Variants in CADM2 observed in about 807,000 individuals in gnomAD.
CADM2 encodes cell adhesion molecule 2, also known as immunoglobulin superfamily member 4D.
CADM2 carries 12 observed loss-of-function variants against 49.8 expected under a neutral mutation model. The ratio of observed to expected loss-of-function variants is 0.24; its 90% CI spans 0.15 to 0.39. The LOEUF (loss-of-function observed/expected upper bound fraction) is 0.39. Among genes scored for constraint, CADM2 ranks in the 10% least tolerant of loss-of-function variants. The probability of loss-of-function intolerance (pLI) is 1.00; values close to 1 mark genes in which losing one functional copy is unlikely to be tolerated. For missense variants in CADM2, 378 were observed against 492.3 expected (o/e 0.77, Z 2.20); for synonymous variants, 214 against 175.4 (o/e 1.22, Z -1.74).
At chr3:85,337,936 G>T (rs1264566557) in intron 1 of CADM2, among the ~76,000 whole-genome samples, 1 of 151,608 alleles carries the variant, frequency 6.6e-6, no homozygotes, top group African/African-American at 2.4e-5. Flanking sequence ...TATCCAGACT[G>T]TATACTGTAG....
intron 3 of CADM2, among the ~76,000 whole-genome samples, chr3:85,867,731 G>A (rs561102283): frequency 1.3e-5 from 2 of 151,992 alleles, no homozygotes; most frequent in Non-Finnish European, 1.5e-5. Flanking sequence ...TTTATGGGCC[G>A]TTTAAATAGC....
intron 8 of CADM2, among the ~76,000 whole-genome samples, chr3:85,977,954 A>C (rs1189419741): frequency 6.6e-6 from 1 of 151,616 alleles, no homozygotes; most frequent in Non-Finnish European, 1.5e-5. Context: ...TATCAGCAGT[A>C]AAGTACTAGA....
At chr3:85,683,200 T>C (rs2066088857) in intron 1 of CADM2, among the ~76,000 whole-genome samples, 1 of 150,812 alleles carries the variant, frequency 6.6e-6, no homozygotes, top group African/African-American at 2.4e-5. Context: ...TTAACTTTTA[T>C]ATCCCCTGCT....
intron 1 of CADM2, among the ~76,000 whole-genome samples, chr3:85,129,602 A>C (rs2039158310): frequency 6.6e-6 from 1 of 152,182 alleles, no homozygotes. Flanking sequence ...AGTGTTTCTT[A>C]GCCAGCACAC....
intron 8 of CADM2, among the ~76,000 whole-genome samples, chr3:86,003,283 T>TCC (rs1730397130): frequency 6.6e-6 from 1 of 152,120 alleles, no homozygotes; most frequent in Non-Finnish European, 1.5e-5. Flanking sequence ...TTCCCCATTT[T>TCC]CCCCATGGGA....
intron 5 of CADM2, among the ~76,000 whole-genome samples, chr3:85,891,932 A>T (rs1226913911): frequency 6.6e-6 from 1 of 152,248 alleles, no homozygotes; most frequent in Admixed American, 6.5e-5. Flanking sequence ...AAACCCTGAG[A>T]TAATAAATAT....
chr3:86,019,681 T>A (rs1732855914), intron 8 of CADM2, among the ~76,000 whole-genome samples: 2 of 152,118 alleles, frequency 1.3e-5, no homozygotes, highest in Admixed American at 1.3e-4. Context: ...TCTCTGTTTG[T>A]CTGTTGTTGG....
rs189772154 is a variant in CADM2 at position 85,427,200 on chromosome 3, A to T, written c.62-299322A>T. Among the ~76,000 whole-genome samples the T allele has an allele frequency of 1.4e-3, 183 of 126,578 alleles. 2 individuals are homozygous for T. The highest frequency in any genetic ancestry group is 9.3e-3 in the Middle Eastern group (2 of 214). 83.0% of individuals were successfully genotyped at this position (126,578 alleles called of 152,430 possible). Reference sequence around the variant, plus strand: ...TATATATATATATATATATATATATATGTATAATAAGTTTGTAGCTACCAT... The same window carrying T: ...TATATATATATATATATATATATATTTGTATAATAAGTTTGTAGCTACCAT... On this transcript the variant is annotated intron_variant, in intron 1 of 9. Coordinates refer to ENST00000383699, the MANE Select transcript of CADM2 (RefSeq NM_001167675.2).
chr3:85,054,734 A>G (rs973096029), intron 1 of CADM2, among the ~76,000 whole-genome samples: 2 of 151,972 alleles, frequency 1.3e-5, no homozygotes, highest in African/African-American at 4.8e-5. Context: ...TGGCCAGCAA[A>G]TGTACAGACA....
At chr3:84,960,222 T>C (rs2107028266) in intron 1 of CADM2, 1 of 153,574 alleles carries the variant, frequency 6.5e-6, no homozygotes, top group African/African-American at 2.4e-5. Context: ...ACCGTGTGCA[T>C]TGCAATAACA....
intron 1 of CADM2, among the ~76,000 whole-genome samples, chr3:85,449,809 G>A (rs1362686635): frequency 6.6e-6 from 1 of 152,126 alleles, no homozygotes; most frequent in African/African-American, 2.4e-5. Flanking sequence ...AAAGAGATGA[G>A]AAAATGAATA....
At chr3:85,761,526 G>C in intron 2 of CADM2, among the ~76,000 whole-genome samples, 1 of 151,688 alleles carries the variant, frequency 6.6e-6, no homozygotes, top group East Asian at 1.9e-4. Flanking sequence ...ACAGGCGTGT[G>C]CCACCATGCC....
chr3:85,019,684 C>T (rs1477684076), intron 1 of CADM2, among the ~76,000 whole-genome samples: 1 of 152,188 alleles, frequency 6.6e-6, no homozygotes, highest in East Asian at 1.9e-4. Flanking sequence ...CCAGGCAGTA[C>T]AATTTCAACC....
chr3:85,671,128 A>G (rs1009944426), intron 1 of CADM2, among the ~76,000 whole-genome samples: 5 of 152,194 alleles, frequency 3.3e-5, no homozygotes, highest in African/African-American at 4.8e-5. Flanking sequence ...GGAGGTAAAT[A>G]ATGTTTCTCC....
At chr3:85,810,409 TTAAGA>T (rs1446433132) in intron 3 of CADM2, among the ~76,000 whole-genome samples, 5 of 152,188 alleles carry the variant, frequency 3.3e-5, no homozygotes, top group Non-Finnish European at 7.3e-5. Flanking sequence ...CAATTTTCAG[TTAAGA>T]TAATTCCATT....
intron 6 of CADM2, among the ~76,000 whole-genome samples, chr3:85,935,444 A>G (rs1013683228): frequency 6.6e-6 from 1 of 152,064 alleles, no homozygotes. Context: ...AGCCATCTAT[A>G]AATAGTTTAA....
intron 8 of CADM2, chr3:85,992,379 A>C (rs950927792): frequency 6.6e-6 from 1 of 152,130 alleles, no homozygotes; most frequent in East Asian, 1.9e-4. Context: ...AAATATTAAT[A>C]TATGGAGTCA....
At chr3:85,794,398 C>G (rs1271455544) in intron 2 of CADM2, among the ~76,000 whole-genome samples, 2 of 152,098 alleles carry the variant, frequency 1.3e-5, no homozygotes, top group African/African-American at 4.8e-5. Context: ...ATATGGTAAA[C>G]AGTGTAGCTG....
intron 1 of CADM2, among the ~76,000 whole-genome samples, chr3:85,295,501 T>C (rs1223349503): frequency 6.6e-6 from 1 of 152,168 alleles, no homozygotes; most frequent in Non-Finnish European, 1.5e-5. Flanking sequence ...TGTATGTTTA[T>C]TGCGGCATTA....
Sources: gnomAD v4.1 joint callset for allele counts (sites outside exome capture counted in the v4.1 genomes callset) on GRCh38, gnomAD v4.1.1 for gene constraint, MANE v1.5 for transcripts, NCBI Gene and HGNC (gene_info 2026-07-23, HGNC 2026-07-21) for gene names.